Variants in RABGEF1 observed in about 807,000 individuals in gnomAD.
The protein encoded by RABGEF1 is rab5 GDP/GTP exchange factor.
In RABGEF1, 26 loss-of-function variants were observed where a neutral mutation model predicts 57.3. The observed-to-expected ratio is 0.45, with a 90% CI of 0.33 to 0.63. The LOEUF is 0.63. Ranked by LOEUF, RABGEF1 falls within the 20% of genes least tolerant of loss-of-function variation. The probability of loss-of-function intolerance (pLI) is 0.02; values close to 1 mark genes in which losing one functional copy is unlikely to be tolerated. For synonymous variants in RABGEF1, 185 were observed against 210.7 expected (o/e 0.88, Z 1.06); for missense variants, 464 against 607.6 (o/e 0.76, Z 2.48).
At chr7:66,698,677 C>T (rs1281527526) in intron 1 of RABGEF1, among the ~76,000 whole-genome samples, 1 of 152,144 alleles carries the variant, frequency 6.6e-6, no homozygotes, top group South Asian at 2.1e-4. Flanking sequence ...AATGCATTGT[C>T]CCCCTCCTCC....
the RABGEF1 span, among the ~76,000 whole-genome samples, chr7:66,659,948 ATAAAAT>A: frequency 2.6e-4 from 39 of 152,132 alleles, 1 homozygote; most frequent in Middle Eastern, 0.014. Flanking sequence ...AAGAGAATAG[ATAAAAT>A]TAAAAGTTTT....
chr7:66,733,688 G>T (rs950488068), intron 2 of RABGEF1, among the ~76,000 whole-genome samples: 1 of 116,134 alleles, frequency 8.6e-6, no homozygotes, highest in African/African-American at 2.8e-5. Flanking sequence ...ACAGAGTGAG[G>T]CTCCATCTCA....
At chr7:66,663,452 C>T in the RABGEF1 span, among the ~76,000 whole-genome samples, 1 of 152,112 alleles carries the variant, frequency 6.6e-6, no homozygotes, top group Admixed American at 6.6e-5. Context: ...GTGGTGGGCG[C>T]CTGTAATCCC....
upstream of RABGEF1, among the ~76,000 whole-genome samples, chr7:66,678,447 C>A (rs1181338469): frequency 6.6e-6 from 1 of 151,488 alleles, no homozygotes; most frequent in South Asian, 2.1e-4. Context: ...CGCCTGTAGT[C>A]CCAGCTACTC....
intron 5 of RABGEF1, among the ~76,000 whole-genome samples, chr7:66,796,297 C>T (rs1785909237): frequency 6.6e-6 from 1 of 152,062 alleles, no homozygotes; most frequent in Non-Finnish European, 1.5e-5. Context: ...TTCACTGATA[C>T]TAGACTTTAG....
At chr7:66,696,689 C>CAAAAAAAAA (rs71049476) in intron 1 of RABGEF1, among the ~76,000 whole-genome samples, 1 of 66,318 alleles carries the variant, frequency 1.5e-5, no homozygotes, top group Non-Finnish European at 3.1e-5. Context: ...GACTCCGTCT[C>CAAAAAAAAA]AAAAAAAAAA....
upstream of RABGEF1, among the ~76,000 whole-genome samples, chr7:66,737,105 A>C (rs1798079115): frequency 1.3e-5 from 2 of 151,698 alleles, no homozygotes; most frequent in Non-Finnish European, 2.9e-5. Flanking sequence ...AGAGAGAGAG[A>C]GAGAGAGAGA....
chr7:66,713,993 T>C (rs1313706924), intron 2 of RABGEF1, among the ~76,000 whole-genome samples: 2 of 152,230 alleles, frequency 1.3e-5, no homozygotes, highest in Non-Finnish European at 2.9e-5. Context: ...TTTTTTGGTC[T>C]ATGTTCATAG....
chr7:66,799,473 C>T, intron 7 of RABGEF1, 59 bp downstream of exon 7: 6 of 1,324,102 alleles, frequency 4.5e-6, no homozygotes, highest in Non-Finnish European at 6.5e-6. Flanking sequence ...TAACATTTTA[C>T]TGTAATATTC....
chr7:66,656,263 C>T, the RABGEF1 span, among the ~76,000 whole-genome samples: 15 of 152,022 alleles, frequency 9.9e-5, no homozygotes, highest in Non-Finnish European at 5.9e-5. Flanking sequence ...ACTGCAGATG[C>T]GTGCCACCAC....
chr7:66,685,060 C>T (rs1408161043), intron 1 of RABGEF1, among the ~76,000 whole-genome samples: 3 of 151,822 alleles, frequency 2.0e-5, no homozygotes, highest in Non-Finnish European at 2.9e-5. Context: ...CCACTGCACC[C>T]GGCCTTAAAA....
intron 2 of RABGEF1, among the ~76,000 whole-genome samples, chr7:66,729,314 G>T (rs528701172): frequency 3.7e-5 from 1 of 27,362 alleles, no homozygotes; most frequent in African/African-American, 1.5e-4. Context: ...TCCATTCTTC[G>T]TTCCTCATCT....
At chr7:66,681,137 G>A (rs1475959149), upstream of RABGEF1, among the ~76,000 whole-genome samples, 1 of 152,166 alleles carries the variant, frequency 6.6e-6, no homozygotes, top group Non-Finnish European at 1.5e-5. Flanking sequence ...ACACCACAGC[G>A]ACAATTAGCA....
At chr7:66,656,484 C>G in the RABGEF1 span, among the ~76,000 whole-genome samples, 46 of 152,210 alleles carry the variant, frequency 3.0e-4, no homozygotes, top group African/African-American at 1.0e-3. Context: ...CTGATGGTGA[C>G]AGAACCAGGG....
chr7:66,655,262 G>C, the RABGEF1 span, among the ~76,000 whole-genome samples: 1 of 152,336 alleles, frequency 6.6e-6, no homozygotes, highest in East Asian at 1.9e-4. Flanking sequence ...GAACCGTCTG[G>C]GAGGAGAGCC....
rs187341323 is a variant in RABGEF1, at chr7:66,711,102, G to A, written c.-872-1065G>A. On this transcript the variant is annotated intron_variant and NMD_transcript_variant, in intron 1 of 9. Transcript: ENST00000607882. ...TTGAGCCCAGGAAGTTGAGGCTGCA[G>A]TGAGCTGTGATTGCACCACTGCACT... Among the ~76,000 whole-genome samples the A allele has an allele frequency of 1.9e-3, 289 of 152,348 alleles. 1 individual carries two copies. The highest frequency in any genetic ancestry group is 3.3e-3 in the Non-Finnish European group (226 of 68,032).
intron 1 of RABGEF1, among the ~76,000 whole-genome samples, chr7:66,703,342 A>T (rs1793573409): frequency 6.6e-6 from 1 of 152,254 alleles, no homozygotes; most frequent in Admixed American, 6.5e-5. Context: ...TACTTTTGGT[A>T]TCATATCTAG....
Position 66,689,672 on chromosome 7 carries a change from A to G in RABGEF1, c.-873+7414A>G, listed in dbSNP as rs535427390. Among the ~76,000 whole-genome samples, 103 of 152,142 alleles carry G rather than the reference A, an allele frequency of 6.8e-4. 1 individual carries two copies. The highest frequency in any genetic ancestry group is 2.3e-3 in the African/African-American group (97 of 41,498). Reference sequence around the variant, plus strand: ...GTAAAAAATAGTTGGGCATGGTGGTAGGCACCTGCAATCCCAGCAACTCGG... The same window carrying G: ...GTAAAAAATAGTTGGGCATGGTGGTGGGCACCTGCAATCCCAGCAACTCGG... On this transcript the variant is annotated intron_variant and NMD_transcript_variant, in intron 1 of 9. Transcript: ENST00000607882.
chr7:66,686,211 GT>G (rs1790601883), intron 1 of RABGEF1, among the ~76,000 whole-genome samples: 1 of 151,806 alleles, frequency 6.6e-6, no homozygotes. Flanking sequence ...AACCCAGTAG[GT>G]GGAGGTTGCA....
Sources: allele counts gnomAD v4.1 joint callset (sites outside exome capture counted in the v4.1 genomes callset), GRCh38; gene constraint gnomAD v4.1.1; transcripts MANE v1.5; gene names NCBI Gene and HGNC (gene_info 2026-07-23, HGNC 2026-07-21).